The following AGPAT5 variants were observed in gnomAD, a reference collection of about 807,000 sequenced individuals.
The protein encoded by AGPAT5 is 1-acylglycerol-3-phosphate O-acyltransferase 5, also known as 1-acyl-sn-glycerol-3-phosphate acyltransferase epsilon.
In AGPAT5, 46 loss-of-function variants were observed where a neutral mutation model predicts 45.6. The observed-to-expected ratio is 1.01, with a 90% CI of 0.80 to 1.29. The LOEUF (loss-of-function observed/expected upper bound fraction) is 1.29, where lower values mean the gene tolerates loss of function less well. Among genes scored for constraint, AGPAT5 ranks in the 50% most tolerant of loss-of-function variants. The probability of loss-of-function intolerance (pLI) is 0.00; values close to 1 mark genes in which losing one functional copy is unlikely to be tolerated. For missense variants in AGPAT5, 673 were observed against 450.7 expected (o/e 1.49, Z -4.47); for synonymous variants, 272 against 167.0 (o/e 1.63, Z -4.85).
intron 1 of AGPAT5, among the ~76,000 whole-genome samples, chr8:6,716,363 A>C (rs1200499323): frequency 6.6e-6 from 1 of 152,076 alleles, no homozygotes; most frequent in African/African-American, 2.4e-5. Flanking sequence ...ATTCGAGACC[A>C]GTCTGGCCAA....
intron 6 of AGPAT5, among the ~76,000 whole-genome samples, chr8:6,748,689 G>C (rs1177899255): frequency 6.6e-6 from 1 of 152,144 alleles, no homozygotes; most frequent in Non-Finnish European, 1.5e-5. Context: ...ATTTTTAGTA[G>C]ATATGCGATT....
Position 6,735,848 on chromosome 8 carries a change from C to CTTTTTTTTTT in AGPAT5, c.495+3198_495+3199insTTTTTTTTTT, listed in dbSNP as rs1563295313. 2.8e-4 allele frequency among the ~76,000 whole-genome samples: 15 copies of CTTTTTTTTTT among 53,612 alleles called. 2 individuals carry two copies. Among genetic ancestry groups the CTTTTTTTTTT allele is most frequent in the Non-Finnish European group, 3.1e-4 (8 of 25,736 alleles). The allele number at this position is 53,612 out of a possible 152,430, so 35.2% of individuals were successfully genotyped here. On this transcript the variant is annotated intron_variant, in intron 4 of 7. Coordinates refer to ENST00000285518, the MANE Select transcript of AGPAT5 (RefSeq NM_018361.5). ...GTGTTCCTGTTTATTCTTTATATAG[C>CTTTTTTTTTT]CTTTTTTTTTTTTTTTTTTTTTTTG...
Position 6,760,030 on chromosome 8 carries a change from A to C in AGPAT5, c.*2642A>C, listed in dbSNP as rs760715784. Among the ~76,000 whole-genome samples the C allele has an allele frequency of 2.0e-5, 3 of 152,150 alleles. No homozygotes were observed. The highest frequency in any genetic ancestry group is 7.2e-5 in the African/African-American group (3 of 41,422). ...ATAGTTTTTCATATGTTTCATTTCCATGTGATTTTTAAAATTTAGAGTGGC... is the reference window on the plus strand; with the variant it reads ...ATAGTTTTTCATATGTTTCATTTCCCTGTGATTTTTAAAATTTAGAGTGGC... On this transcript the variant is annotated 3_prime_UTR_variant, in exon 8 of 8. Coordinates refer to ENST00000285518, the MANE Select transcript of AGPAT5 (RefSeq NM_018361.5).
intron 4 of AGPAT5, among the ~76,000 whole-genome samples, chr8:6,737,094 G>A (rs569254960): frequency 2.0e-5 from 3 of 152,322 alleles, no homozygotes; most frequent in South Asian, 2.1e-4. Context: ...TACGAGAATA[G>A]CCTCCCTGTT....
chr8:6,741,442 A>G (rs1801242165), intron 4 of AGPAT5, among the ~76,000 whole-genome samples: 1 of 152,156 alleles, frequency 6.6e-6, no homozygotes, highest in African/African-American at 2.4e-5. Context: ...CTACCAATGA[A>G]TGTAGCACTG....
At chr8:6,737,946 G>T (rs1360667969) in intron 4 of AGPAT5, among the ~76,000 whole-genome samples, 1 of 152,182 alleles carries the variant, frequency 6.6e-6, no homozygotes, top group African/African-American at 2.4e-5. Flanking sequence ...AGAATTAAAG[G>T]GAGTTAGGGC....
chr8:6,747,540 A>G (rs1434049012), intron 5 of AGPAT5, 130 bp from the exon 6 acceptor site: 6 of 856,520 alleles, frequency 7.0e-6, no homozygotes, highest in South Asian at 2.0e-5. Flanking sequence ...AGCCCTAAAT[A>G]TATGAGGTTG....
rs529857994 is a variant in AGPAT5 at position 6,721,048 on chromosome 8, G to C, written c.220-3822G>C. ...AAAAAAAGAACTTTGTCATCTGTTA[G>C]GTTCCATTTATTGCATGATAATTGT... is the stretch of plus-strand genomic sequence containing the variant. On this transcript the variant is annotated intron_variant, in intron 1 of 7. Transcript: ENST00000285518. Among the ~76,000 whole-genome samples the C allele has an allele frequency of 2.6e-5, 4 of 152,320 alleles. No individual in the cohort carries two copies. The East Asian group carries it at 7.7e-4, about 29-fold the overall frequency.
At chr8:6,731,973 CCTT>C (rs1800880449) in intron 3 of AGPAT5, among the ~76,000 whole-genome samples, 1 of 152,214 alleles carries the variant, frequency 6.6e-6, no homozygotes. Flanking sequence ...GATGACTAAT[CCTT>C]CTACAGAGAC....
rs545419848 is a variant in AGPAT5 at position 6,734,474 on chromosome 8, G to A, written c.495+1824G>A. ...CCTGTTTCATAGTTTCCATCTCTGT[G>A]CTAGTGTATCTATCTGATCATAAAG... On this transcript the variant is annotated intron_variant, in intron 4 of 7. Transcript: ENST00000285518. Among the ~76,000 whole-genome samples the A allele has an allele frequency of 2.0e-5, 3 of 152,046 alleles. No homozygotes were observed. The South Asian group carries it at 6.2e-4, about 32-fold the overall frequency.
In AGPAT5 at chr8:6,731,336, T is replaced by C. The variant is rs540648615; in HGVS notation, c.405+510T>C. On this transcript the variant is annotated intron_variant, in intron 3 of 7. Coordinates refer to ENST00000285518, the MANE Select transcript of AGPAT5 (RefSeq NM_018361.5). ...GGTTTTCCTTCAGCATCTGTGGGGATTGGTTTTAGAACCACCACAGATACC... is the reference window on the plus strand; with the variant it reads ...GGTTTTCCTTCAGCATCTGTGGGGACTGGTTTTAGAACCACCACAGATACC... Among the ~76,000 whole-genome samples, 5 of 152,290 alleles carry C rather than the reference T, an allele frequency of 3.3e-5. 1 individual carries two copies. The highest frequency in any genetic ancestry group is 2.1e-4 in the South Asian group (1 of 4,826).
At chr8:6,731,959 A>G (rs1587027214) in intron 3 of AGPAT5, among the ~76,000 whole-genome samples, 1 of 152,162 alleles carries the variant, frequency 6.6e-6, no homozygotes, top group East Asian at 1.9e-4. Flanking sequence ...GACTAGTTAC[A>G]CTGGATGACT....
chr8:6,745,618 C>T (rs899403968), intron 5 of AGPAT5: 2 of 152,146 alleles, frequency 1.3e-5, no homozygotes, highest in African/African-American at 4.8e-5. Context: ...ATCACCTCCT[C>T]TTCCTTTAAA....
chr8:6,753,410 G>C (rs953908223), intron 6 of AGPAT5, among the ~76,000 whole-genome samples: 1 of 152,076 alleles, frequency 6.6e-6, no homozygotes, highest in African/African-American at 2.4e-5. Flanking sequence ...AGTGAAGGCA[G>C]GAAAATTGGT....
intron 1 of AGPAT5, among the ~76,000 whole-genome samples, chr8:6,723,720 A>G (rs1434979124): frequency 1.3e-5 from 2 of 152,340 alleles, no homozygotes; most frequent in East Asian, 3.9e-4. Context: ...CATACTACAT[A>G]CATAGCACTG....
At chr8:6,721,235 A>G (rs951492148) in intron 1 of AGPAT5, among the ~76,000 whole-genome samples, 1 of 152,214 alleles carries the variant, frequency 6.6e-6, no homozygotes, top group African/African-American at 2.4e-5. Context: ...CTGGTAATAT[A>G]TTTCGTTGGC....
At chr8:6,731,004 G>A (rs865969667) in intron 3 of AGPAT5, among the ~76,000 whole-genome samples, 178 bp downstream of exon 3, 1 of 151,756 alleles carries the variant, frequency 6.6e-6, no homozygotes, top group African/African-American at 2.4e-5. Context: ...AAGTAGTTGG[G>A]ACCGTAGGTG....
In AGPAT5 at chr8:6,760,071, TA is replaced by T. The variant is rs1382248360; in HGVS notation, c.*2684del. Among the ~76,000 whole-genome samples, 2 of 152,208 alleles carry T rather than the reference TA, an allele frequency of 1.3e-5. No homozygotes were observed. Among genetic ancestry groups the T allele is most frequent in the Non-Finnish European group, 2.9e-5 (2 of 68,044 alleles). Reference sequence around the variant, plus strand: ...TTAGAGTGGCAACAATTTTGCTTAATATGGGTTACATAAGCTTTATTTTTTC... The same window carrying T: ...TTAGAGTGGCAACAATTTTGCTTAATTGGGTTACATAAGCTTTATTTTTTC... On this transcript the variant is annotated 3_prime_UTR_variant, in exon 8 of 8. Transcript: ENST00000285518.
intron 4 of AGPAT5, among the ~76,000 whole-genome samples, chr8:6,733,505 G>A (rs1372605595): frequency 6.6e-6 from 1 of 152,088 alleles, no homozygotes; most frequent in Non-Finnish European, 1.5e-5. Flanking sequence ...ATCTGTTTTG[G>A]GCATGTGTTG....
Sources: allele counts gnomAD v4.1 joint callset (sites outside exome capture counted in the v4.1 genomes callset), GRCh38; gene constraint gnomAD v4.1.1; transcripts MANE v1.5; gene names NCBI Gene and HGNC (gene_info 2026-07-23, HGNC 2026-07-21).